Variants in PTGER3 observed in about 807,000 individuals in gnomAD.
PTGER3 encodes the protein prostaglandin E receptor 3.
PTGER3 carries 22 observed loss-of-function variants against 34.7 expected under a neutral mutation model. That is an observed-to-expected ratio of 0.63 (90% confidence interval 0.45 to 0.91). The LOEUF (loss-of-function observed/expected upper bound fraction) is 0.91. PTGER3 is among the 40% of genes least tolerant of loss of function. The pLI is 0.00. For missense variants in PTGER3, 468 were observed against 519.4 expected (o/e 0.90, Z 0.96); for synonymous variants, 241 against 230.1 (o/e 1.05, Z -0.43).
chr1:70,903,181 C>A (rs1162498258), intron 4 of PTGER3, among the ~76,000 whole-genome samples: 1 of 152,160 alleles, frequency 6.6e-6, no homozygotes, highest in Non-Finnish European at 1.5e-5. Context: ...CAACAGCCAA[C>A]AGAAGCTGGA....
intron 4 of PTGER3, among the ~76,000 whole-genome samples, chr1:70,916,479 C>T (rs1006029458): frequency 1.3e-5 from 2 of 152,084 alleles, no homozygotes; most frequent in South Asian, 4.1e-4. Flanking sequence ...TAGAATCAAC[C>T]TAGGTGCCCA....
At chr1:70,966,538 G>A (rs990639200), downstream of PTGER3, among the ~76,000 whole-genome samples, 2 of 152,050 alleles carry the variant, frequency 1.3e-5, no homozygotes, top group Non-Finnish European at 2.9e-5. Context: ...TGTTACATAA[G>A]TGTACATGTG....
intron 2 of PTGER3, among the ~76,000 whole-genome samples, chr1:70,981,980 T>C (rs1414344410): frequency 6.6e-6 from 1 of 152,112 alleles, no homozygotes; most frequent in Non-Finnish European, 1.5e-5. Context: ...CTAATTTTCT[T>C]TCAAGGGCAA....
chr1:70,890,753 T>A (rs1179612740), intron 4 of PTGER3, among the ~76,000 whole-genome samples: 5 of 152,212 alleles, frequency 3.3e-5, no homozygotes, highest in Non-Finnish European at 5.9e-5. Context: ...TTTTATCATG[T>A]TTATATTAAA....
intron 4 of PTGER3, among the ~76,000 whole-genome samples, chr1:70,894,309 C>CA (rs35974984): frequency 0.052 from 2,439 of 46,578 alleles, 221 homozygotes; most frequent in East Asian, 0.27. Context: ...AACTCCATCT[C>CA]AAAAAAAAAA....
intron 1 of PTGER3, among the ~76,000 whole-genome samples, chr1:71,031,900 T>C (rs1356563039): frequency 5.3e-5 from 8 of 152,210 alleles, no homozygotes; most frequent in Admixed American, 5.2e-4. Flanking sequence ...TAGAAATAGA[T>C]GCTAGAGAAA....
Position 70,971,346 on chromosome 1 carries a change from T to C in PTGER3, c.*384A>G, listed in dbSNP as rs1040900876. ...CTTATACTGATTTTTCAAACTCATA[T>C]TGCAAAAGCAAGCTATCATGAAATG... On this transcript the variant is annotated 3_prime_UTR_variant, in exon 4 of 4. Transcript: ENST00000306666. 9 of 999,766 alleles carry C rather than the reference T, an allele frequency of 9.0e-6. No homozygotes were observed. The highest frequency in any genetic ancestry group is 5.0e-4 in the Middle Eastern group (1 of 2,008). The allele number at this position is 999,766 out of a possible 1,614,324, so 61.9% of individuals were successfully genotyped here.
intron 4 of PTGER3, among the ~76,000 whole-genome samples, chr1:70,928,897 T>A (rs926346734): frequency 1.5e-4 from 18 of 117,992 alleles, no homozygotes; most frequent in Non-Finnish European, 2.8e-4. Context: ...ACACACACAC[T>A]ATATATATAC....
At chr1:70,900,037 T>C (rs1646803216) in intron 4 of PTGER3, among the ~76,000 whole-genome samples, 1 of 152,158 alleles carries the variant, frequency 6.6e-6, no homozygotes, top group Non-Finnish European at 1.5e-5. Flanking sequence ...CACTAGCCTT[T>C]CCCACAGAGG....
At chr1:71,038,200 A>C (rs1659999704) in intron 1 of PTGER3, among the ~76,000 whole-genome samples, 1 of 152,206 alleles carries the variant, frequency 6.6e-6, no homozygotes, top group African/African-American at 2.4e-5. Flanking sequence ...AGAAAATGAC[A>C]TTTATTATGT....
intron 2 of PTGER3, among the ~76,000 whole-genome samples, chr1:70,992,365 A>G (rs1482285825): frequency 6.6e-6 from 1 of 152,150 alleles, no homozygotes; most frequent in Non-Finnish European, 1.5e-5. Flanking sequence ...GTTTTTTTGG[A>G]AGCAGAGCGA....
At chr1:70,861,212 T>C (rs770027609) in intron 4 of PTGER3, among the ~76,000 whole-genome samples, 3 of 152,236 alleles carry the variant, frequency 2.0e-5, no homozygotes, top group African/African-American at 2.4e-5. Context: ...TAAATACTTA[T>C]GCAAAAGCCT....
intron 1 of PTGER3, among the ~76,000 whole-genome samples, chr1:71,037,535 G>A (rs1395680948): frequency 6.6e-6 from 1 of 152,172 alleles, no homozygotes; most frequent in African/African-American, 2.4e-5. Flanking sequence ...AAAAGAATGT[G>A]TGATCTATTT....
At chr1:70,994,266 A>G (rs1270430534) in intron 2 of PTGER3, among the ~76,000 whole-genome samples, 4 of 152,208 alleles carry the variant, frequency 2.6e-5, no homozygotes, top group African/African-American at 9.7e-5. Context: ...CTAGTAGTTC[A>G]TTCAATTTAA....
chr1:70,979,858 G>T (rs1316975083), intron 2 of PTGER3, among the ~76,000 whole-genome samples: 2 of 152,114 alleles, frequency 1.3e-5, no homozygotes, highest in African/African-American at 4.8e-5. Context: ...ACTAGGCTTT[G>T]TAACTTCTAG....
At chr1:71,005,830 T>C in intron 2 of PTGER3, 1 of 954,062 alleles carries the variant, frequency 1.0e-6, no homozygotes, top group Non-Finnish European at 1.2e-6. Context: ...GGTGGAAATT[T>C]CGGGTGAGCC....
chr1:70,953,409 C>G (rs1455929905), intron 3 of PTGER3, among the ~76,000 whole-genome samples: 2 of 152,138 alleles, frequency 1.3e-5, no homozygotes, highest in East Asian at 1.9e-4. Flanking sequence ...CCATACAGTT[C>G]TTCCCTTCTG....
chr1:71,039,528 T>C (rs1018888881), intron 1 of PTGER3, among the ~76,000 whole-genome samples: 1 of 150,868 alleles, frequency 6.6e-6, no homozygotes, highest in Non-Finnish European at 1.5e-5. Context: ...TGGGCGCCTG[T>C]AGTCCCAGCT....
chr1:70,979,712 C>T (rs899883412), intron 2 of PTGER3, among the ~76,000 whole-genome samples: 1 of 152,118 alleles, frequency 6.6e-6, no homozygotes, highest in African/African-American at 2.4e-5. Flanking sequence ...TTCCATTGAG[C>T]GTTCTCACAC....
Sources: gnomAD v4.1 joint callset for allele counts (sites outside exome capture counted in the v4.1 genomes callset) on GRCh38, gnomAD v4.1.1 for gene constraint, MANE v1.5 for transcripts, NCBI Gene and HGNC (gene_info 2026-07-23, HGNC 2026-07-21) for gene names.